CPA6: variants seen among roughly 807,000 people sequenced by gnomAD.
CPA6 encodes the protein carboxypeptidase A6, also known as carboxypeptidase B.
CPA6 carries 58 observed loss-of-function variants against 63.3 expected under a neutral mutation model. The ratio of observed to expected loss-of-function variants is 0.92; its 90% CI spans 0.74 to 1.14. The LOEUF is 1.14. CPA6 is among the 50% of genes most tolerant of loss of function. CPA6 has a pLI of 0.00. For missense variants in CPA6, 565 were observed against 526.6 expected, an observed-to-expected ratio of 1.07 and a Z score of -0.71; for synonymous variants, 185 against 179.0, an observed-to-expected ratio of 1.03 and a Z score of -0.27.
chr8:67,606,879 T>C (rs1814650987), intron 2 of CPA6, among the ~76,000 whole-genome samples: 1 of 152,234 alleles, frequency 6.6e-6, no homozygotes. Context: ...TTCTGGTTTG[T>C]TCAGGTTTGA....
chr8:67,540,135 G>C (rs545094125), intron 2 of CPA6, among the ~76,000 whole-genome samples: 1 of 151,888 alleles, frequency 6.6e-6, no homozygotes, highest in Non-Finnish European at 1.5e-5. Context: ...CATTCTCGTG[G>C]ATTTATCTAC....
At chr8:67,694,699 G>A (rs1390813620) in intron 1 of CPA6, among the ~76,000 whole-genome samples, 1 of 152,124 alleles carries the variant, frequency 6.6e-6, no homozygotes, top group Non-Finnish European at 1.5e-5. Flanking sequence ...AGAAGACTAG[G>A]GCCTGGTTTC....
intron 2 of CPA6, among the ~76,000 whole-genome samples, chr8:67,618,491 C>T (rs909178749): frequency 2.0e-5 from 3 of 152,148 alleles, no homozygotes; most frequent in Non-Finnish European, 2.9e-5. Flanking sequence ...CAGCACATTT[C>T]ATGTACAAAG....
intron 1 of CPA6, among the ~76,000 whole-genome samples, chr8:67,708,532 C>G (rs1817189021): frequency 6.6e-6 from 1 of 152,128 alleles, no homozygotes; most frequent in Non-Finnish European, 1.5e-5. Context: ...CAGATGATCC[C>G]CAGTAAGGGA....
intron 8 of CPA6, among the ~76,000 whole-genome samples, chr8:67,460,282 C>A (rs1381835963): frequency 6.6e-6 from 1 of 152,160 alleles, no homozygotes; most frequent in Non-Finnish European, 1.5e-5. Flanking sequence ...ACAGCAAGGT[C>A]CCTCTTAGTC....
At chr8:67,579,510 A>G (rs1470586403) in intron 2 of CPA6, among the ~76,000 whole-genome samples, 1 of 152,254 alleles carries the variant, frequency 6.6e-6, no homozygotes, top group Non-Finnish European at 1.5e-5. Context: ...TCTCTTAAAT[A>G]TTATAAGCAT....
chr8:67,496,743 T>C (rs960593588), intron 6 of CPA6, among the ~76,000 whole-genome samples: 8 of 151,732 alleles, frequency 5.3e-5, no homozygotes, highest in African/African-American at 1.7e-4. Context: ...GTATTTTTAG[T>C]AGAAATGGGG....
chr8:67,644,521 G>A (rs1815671174), intron 1 of CPA6, among the ~76,000 whole-genome samples: 1 of 152,136 alleles, frequency 6.6e-6, no homozygotes, highest in Admixed American at 6.5e-5. Context: ...GTGAAGTCCT[G>A]GGTTCTGTGT....
chr8:67,513,937 T>C (rs73264794), intron 3 of CPA6, among the ~76,000 whole-genome samples: 3 of 151,880 alleles, frequency 2.0e-5, no homozygotes, highest in Non-Finnish European at 4.4e-5. Flanking sequence ...AGTTTCCAGG[T>C]TGGGGAGGGA....
chr8:67,506,770 T>A lies in CPA6; in HGVS notation c.636+17A>T. 1 of 1,534,364 alleles carries A rather than the reference T, an allele frequency of 6.5e-7. No individual in the cohort carries two copies. The highest frequency in any genetic ancestry group is 9.0e-7 in the Non-Finnish European group (1 of 1,107,468). ...CTGACTAGCTGAAATGGACATTGTG[T>A]AAAGGGTTTAACTTACTTCTTTTAC... On this transcript the variant is annotated intron_variant, in intron 6 of 10. Transcript: ENST00000297770.
intron 2 of CPA6, among the ~76,000 whole-genome samples, chr8:67,543,632 T>C (rs763569588): frequency 2.0e-5 from 3 of 152,170 alleles, no homozygotes; most frequent in Non-Finnish European, 2.9e-5. Flanking sequence ...TGAGAACTTT[T>C]GCCCTAATGT....
In CPA6 at chr8:67,716,823, C is replaced by T. The variant is rs563811835; in HGVS notation, c.116+29191G>A. 2.6e-5 allele frequency among the ~76,000 whole-genome samples: 4 copies of T among 152,172 alleles called. No homozygotes were observed. In the East Asian group the frequency reaches 7.7e-4, roughly 29 times the overall value. ...TTTATTTTCCTTTTGCAGCCTTTAT[C>T]TTATTCATCACTGTATTTTCAGCCA... is the stretch of plus-strand genomic sequence containing the variant. On this transcript the variant is annotated intron_variant, in intron 1 of 10. Coordinates refer to ENST00000297770, the MANE Select transcript of CPA6 (RefSeq NM_020361.5).
At chr8:67,717,212 G>A (rs965481445) in intron 1 of CPA6, among the ~76,000 whole-genome samples, 2 of 152,138 alleles carry the variant, frequency 1.3e-5, no homozygotes, top group African/African-American at 2.4e-5. Context: ...CAAGCACACC[G>A]AGTTTGGATG....
At chr8:67,597,552 C>G (rs1814378504) in intron 2 of CPA6, among the ~76,000 whole-genome samples, 1 of 152,144 alleles carries the variant, frequency 6.6e-6, no homozygotes, top group East Asian at 1.9e-4. Context: ...TTATGCTTCT[C>G]TCTGGGTATT....
intron 1 of CPA6, among the ~76,000 whole-genome samples, chr8:67,685,548 G>A (rs1230318557): frequency 6.6e-6 from 1 of 152,228 alleles, no homozygotes; most frequent in African/African-American, 2.4e-5. Flanking sequence ...GAGCCCGGGA[G>A]GCGGAGCTTG....
chr8:67,480,372 G>A (rs1431810443), intron 8 of CPA6, among the ~76,000 whole-genome samples: 1 of 151,886 alleles, frequency 6.6e-6, no homozygotes, highest in East Asian at 1.9e-4. Flanking sequence ...TCAGCCCCTG[G>A]CAACCACGAA....
rs1228904142 is a variant in CPA6, at chr8:67,746,028, G to A, written c.102C>T (p.Asn34=). 5 of 1,613,236 alleles carry A rather than the reference G, an allele frequency of 3.1e-6. No individual in the cohort carries two copies. Among genetic ancestry groups the A allele is most frequent in the Non-Finnish European group, 3.4e-6 (4 of 1,179,440 alleles). ...ILQPGHSHLY[N]NRYAGDKVIR... is the part of the protein sequence containing the mutation. ...GCTCCACTTACCCAGCATAGCGGTT[G>A]TTATAAAGGTGGCTGTGCCCCGGTT... The change falls in exon 1 of 11, where the codon AAC becomes AAT. Residue 34 remains asparagine, a synonymous_variant. Coordinates refer to ENST00000297770, the MANE Select transcript of CPA6 (RefSeq NM_020361.5).
intron 3 of CPA6, among the ~76,000 whole-genome samples, chr8:67,514,746 A>ATAG (rs1465805766): frequency 6.6e-6 from 1 of 152,224 alleles, no homozygotes; most frequent in African/African-American, 2.4e-5. Flanking sequence ...TTTCTACTGA[A>ATAG]TAGTAATTAA....
intron 8 of CPA6, among the ~76,000 whole-genome samples, chr8:67,476,729 C>A (rs1332368311): frequency 2.0e-5 from 3 of 152,184 alleles, no homozygotes; most frequent in African/African-American, 7.2e-5. Context: ...TAGAAACAGA[C>A]ACTGAAGTCA....
Sources: gnomAD v4.1 joint callset for allele counts (sites outside exome capture counted in the v4.1 genomes callset) on GRCh38, gnomAD v4.1.1 for gene constraint, MANE v1.5 for transcripts, NCBI Gene and HGNC (gene_info 2026-07-23, HGNC 2026-07-21) for gene names.